The following OR1J2 variants were observed in gnomAD, a reference collection of about 807,000 sequenced individuals.
OR1J2 encodes the protein olfactory receptor family 1 subfamily J member 2, also known as olfactory receptor 1J2.
For synonymous variants in OR1J2, 142 were observed against 99.7 expected, an observed-to-expected ratio of 1.42 and a Z score of -2.52; for missense variants, 304 against 246.1, an observed-to-expected ratio of 1.24 and a Z score of -1.57.
chr9:122,567,563 C>T, the OR1J2 span: 4 of 1,583,896 alleles, frequency 2.5e-6, no homozygotes, highest in South Asian at 1.2e-5. Context: ...ATCTCTTGCT[C>T]ATAAGCTTCC....
chr9:122,449,078 G>A, the OR1J2 span: 3 of 151,914 alleles, frequency 2.0e-5, no homozygotes, highest in African/African-American at 7.3e-5. Flanking sequence ...GTGGGAAGGC[G>A]GGGTCTTATG....
At chr9:122,522,710 C>T in the OR1J2 span, among the ~76,000 whole-genome samples, 1 of 152,160 alleles carries the variant, frequency 6.6e-6, no homozygotes, top group Admixed American at 6.5e-5. Context: ...TTGTGCCCCT[C>T]AGTAGCCATT....
Position 122,510,853 on chromosome 9 carries a change from C to A in OR1J2, c.52C>A (p.Pro18Thr). 6.2e-7 allele frequency: 1 copy of A among 1,608,838 alleles called. No homozygotes were observed. Among genetic ancestry groups the A allele is most frequent in the Non-Finnish European group, 8.5e-7 (1 of 1,175,758 alleles). Residue 18 changes from proline to threonine, a missense_variant, in exon 1 of 1, where the codon CCC (proline) becomes ACC (threonine). Pro to Thr is a conservative substitution (Grantham distance 38). Coordinates refer to ENST00000335302, the MANE Select transcript of OR1J2 (RefSeq NM_054107.1). ...GTCCGAGTTCCTCCTTCTGGGCCTCCCCATCCGGCCAGAGCAGCAGGCTGT... is the reference window on the plus strand; with the variant it reads ...GTCCGAGTTCCTCCTTCTGGGCCTCACCATCCGGCCAGAGCAGCAGGCTGT... The part of the protein sequence containing the change: ...SVSEFLLLGL[P>T]IRPEQQAVFF...
chr9:122,577,688 T>G, the OR1J2 span, among the ~76,000 whole-genome samples: 1 of 152,228 alleles, frequency 6.6e-6, no homozygotes, highest in East Asian at 1.9e-4. Flanking sequence ...GGTGGAAATG[T>G]AAAGTATCAC....
chr9:122,456,634 G>A, the OR1J2 span, among the ~76,000 whole-genome samples: 47 of 152,202 alleles, frequency 3.1e-4, no homozygotes, highest in South Asian at 3.5e-3. Flanking sequence ...TCCAACATCA[G>A]TGATCATTAG....
the OR1J2 span, among the ~76,000 whole-genome samples, chr9:122,491,030 A>G: frequency 2.0e-5 from 3 of 152,226 alleles, no homozygotes; most frequent in African/African-American, 7.2e-5. Context: ...GAAAGTGTGT[A>G]TAAGAGAGTG....
the OR1J2 span, chr9:122,519,822 G>A: frequency 5.0e-6 from 8 of 1,613,920 alleles, no homozygotes; most frequent in African/African-American, 1.1e-4. Flanking sequence ...CATCCTCAAG[G>A]CTCCATCTAC....
the OR1J2 span, among the ~76,000 whole-genome samples, chr9:122,528,618 AT>A: frequency 6.6e-6 from 1 of 152,174 alleles, no homozygotes; most frequent in African/African-American, 2.4e-5. Context: ...ATAAATAAAG[AT>A]AAAAATAATA....
At chr9:122,523,178 T>C in the OR1J2 span, among the ~76,000 whole-genome samples, 2 of 151,896 alleles carry the variant, frequency 1.3e-5, no homozygotes, top group African/African-American at 4.8e-5. Flanking sequence ...AACAAATGAG[T>C]CTAGGTAGAG....
At chr9:122,569,165 T>C in the OR1J2 span, among the ~76,000 whole-genome samples, 1 of 152,258 alleles carries the variant, frequency 6.6e-6, no homozygotes, top group Admixed American at 6.5e-5. Context: ...GAATGAAAGG[T>C]TCATCCTCCC....
upstream of OR1J2, among the ~76,000 whole-genome samples, chr9:122,509,612 G>A (rs1409354267): frequency 6.6e-6 from 1 of 152,178 alleles, no homozygotes; most frequent in African/African-American, 2.4e-5. Flanking sequence ...AAGTCTAAAT[G>A]ACGTTAAATG....
chr9:122,484,393 C>T, the OR1J2 span, among the ~76,000 whole-genome samples: 1 of 152,224 alleles, frequency 6.6e-6, no homozygotes, highest in African/African-American at 2.4e-5. Flanking sequence ...ATCTCTTGAC[C>T]TTGTGACCTG....
the OR1J2 span, among the ~76,000 whole-genome samples, chr9:122,579,337 T>G: frequency 6.6e-6 from 1 of 152,156 alleles, no homozygotes; most frequent in African/African-American, 2.4e-5. Flanking sequence ...AATTGAATTT[T>G]AAAAATTGAA....
chr9:122,568,757 G>C, the OR1J2 span: 1 of 320,386 alleles, frequency 3.1e-6, no homozygotes, highest in Non-Finnish European at 5.7e-6. Context: ...TTCAGACTCA[G>C]TATTTCCTAT....
the OR1J2 span, among the ~76,000 whole-genome samples, chr9:122,533,902 C>G: frequency 6.6e-6 from 1 of 152,134 alleles, no homozygotes; most frequent in African/African-American, 2.4e-5. Flanking sequence ...AGTGTTCAGC[C>G]GCTAAGCCGA....
chr9:122,508,352 G>C (rs1828569687), upstream of OR1J2, among the ~76,000 whole-genome samples: 1 of 152,138 alleles, frequency 6.6e-6, no homozygotes, highest in Non-Finnish European at 1.5e-5. Context: ...TATATAGCTA[G>C]ATTTAAAAAC....
the OR1J2 span, among the ~76,000 whole-genome samples, chr9:122,542,138 A>G: frequency 6.6e-6 from 1 of 152,170 alleles, no homozygotes; most frequent in African/African-American, 2.4e-5. Context: ...GTCAGACTCA[A>G]TCATGTTTGT....
At chr9:122,477,782 T>G in the OR1J2 span, 1 of 1,613,930 alleles carries the variant, frequency 6.2e-7, no homozygotes, top group Non-Finnish European at 8.5e-7. Context: ...TCTAGCTGGA[T>G]GAGCAGCATG....
the OR1J2 span, among the ~76,000 whole-genome samples, chr9:122,527,531 A>C: frequency 2.0e-5 from 3 of 152,088 alleles, no homozygotes; most frequent in Admixed American, 2.0e-4. Context: ...AGGTCAGGGC[A>C]TATTCTCCCT....
Sources: allele counts gnomAD v4.1 joint callset (sites outside exome capture counted in the v4.1 genomes callset), GRCh38; gene constraint gnomAD v4.1.1; transcripts MANE v1.5; gene names NCBI Gene and HGNC (gene_info 2026-07-23, HGNC 2026-07-21).